Variants in LRMDA observed in about 807,000 individuals in gnomAD.
LRMDA encodes leucine-rich melanocyte differentiation-associated protein.
In LRMDA, 18 loss-of-function variants were observed where a neutral mutation model predicts 29.8. The ratio of observed to expected loss-of-function variants is 0.60; its 90% CI spans 0.42 to 0.90. The LOEUF (loss-of-function observed/expected upper bound fraction) is 0.90. Ranked by LOEUF, LRMDA falls within the 40% of genes least tolerant of loss-of-function variation. The probability of loss-of-function intolerance (pLI) is 0.00; values close to 1 mark genes in which losing one functional copy is unlikely to be tolerated. For missense variants in LRMDA, 273 were observed against 273.9 expected (o/e 1.00, Z 0.02); for synonymous variants, 125 against 109.4 (o/e 1.14, Z -0.89).
chr10:76,474,137 G>A (rs549260438), intron 6 of LRMDA, among the ~76,000 whole-genome samples: 19 of 151,730 alleles, frequency 1.3e-4, no homozygotes, highest in East Asian at 5.8e-4. Context: ...AACAAATGGC[G>A]CTCAGGTAAC....
At chr10:76,124,075 C>T (rs1325762357) in intron 5 of LRMDA, among the ~76,000 whole-genome samples, 1 of 152,200 alleles carries the variant, frequency 6.6e-6, no homozygotes, top group Non-Finnish European at 1.5e-5. Context: ...GCTTTCCTCT[C>T]TCCTCTGCCA....
intron 2 of LRMDA, among the ~76,000 whole-genome samples, chr10:75,820,124 C>T (rs879679441): frequency 6.6e-6 from 1 of 152,070 alleles, no homozygotes. Flanking sequence ...AACAACAAAC[C>T]CTGGACTTAA....
At chr10:76,239,821 G>T (rs1852237651) in intron 5 of LRMDA, among the ~76,000 whole-genome samples, 1 of 151,694 alleles carries the variant, frequency 6.6e-6, no homozygotes, top group African/African-American at 2.4e-5. Context: ...ATTACCTCCT[G>T]AGATGCATAA....
intron 2 of LRMDA, among the ~76,000 whole-genome samples, chr10:75,675,473 A>G (rs577194379): frequency 2.0e-5 from 3 of 152,248 alleles, no homozygotes; most frequent in Non-Finnish European, 4.4e-5. Context: ...TTAAACTATG[A>G]AAAGCAGTCC....
intron 5 of LRMDA, among the ~76,000 whole-genome samples, chr10:76,122,048 G>A (rs1849798967): frequency 6.6e-6 from 1 of 152,172 alleles, no homozygotes; most frequent in South Asian, 2.1e-4. Context: ...AGGAGGTCAT[G>A]CTGTGACATG....
chr10:75,704,364 A>G (rs995913679), intron 2 of LRMDA, among the ~76,000 whole-genome samples: 1 of 152,202 alleles, frequency 6.6e-6, no homozygotes, highest in Non-Finnish European at 1.5e-5. Context: ...TTATTGTATT[A>G]AATGATTGCA....
intron 2 of LRMDA, among the ~76,000 whole-genome samples, chr10:75,741,293 G>T (rs779923113): frequency 6.6e-6 from 1 of 152,146 alleles, no homozygotes; most frequent in African/African-American, 2.4e-5. Flanking sequence ...CTGTTTTCTT[G>T]CTGGCTGTTG....
chr10:75,858,789 G>T (rs1020740768), intron 2 of LRMDA, among the ~76,000 whole-genome samples: 2 of 152,124 alleles, frequency 1.3e-5, no homozygotes, highest in Admixed American at 6.5e-5. Flanking sequence ...AACTACACAG[G>T]TATTCTCCAT....
rs145003060 is a variant in LRMDA, at chr10:76,175,927, C to G, written c.516+117144C>G. 1.0e-3 allele frequency among the ~76,000 whole-genome samples: 158 copies of G among 152,270 alleles called. 3 individuals are homozygous for G. The East Asian group carries it at 0.028, about 27-fold the overall frequency. On this transcript the variant is annotated intron_variant, in intron 5 of 6. Coordinates refer to ENST00000611255, the MANE Select transcript of LRMDA (RefSeq NM_001305581.2). Reference sequence around the variant, plus strand: ...ACTTGAGTGACAGTATGACAGAGAACAGAAACAGGGCCACAGCTAGCCGCT... The same window carrying G: ...ACTTGAGTGACAGTATGACAGAGAAGAGAAACAGGGCCACAGCTAGCCGCT...
chr10:76,213,393 G>A (rs187819171), intron 5 of LRMDA, among the ~76,000 whole-genome samples: 27 of 152,272 alleles, frequency 1.8e-4, no homozygotes, highest in Non-Finnish European at 2.9e-4. Context: ...ATTTGAGAAG[G>A]GAAAGTAATT....
intron 2 of LRMDA, among the ~76,000 whole-genome samples, chr10:75,960,702 C>CT (rs1171362960): frequency 6.6e-6 from 1 of 152,228 alleles, no homozygotes; most frequent in Non-Finnish European, 1.5e-5. Flanking sequence ...CAACCTCTGT[C>CT]TCCAGGGTTC....
chr10:75,757,239 T>G (rs142811464), intron 2 of LRMDA, among the ~76,000 whole-genome samples: 191 of 152,252 alleles, frequency 1.3e-3, no homozygotes, highest in African/African-American at 4.0e-3. Flanking sequence ...CCCTTCCCCA[T>G]TCCCAGGGGC....
At chr10:75,583,405 C>G (rs563130212) in intron 2 of LRMDA, among the ~76,000 whole-genome samples, 164 of 152,208 alleles carry the variant, frequency 1.1e-3, no homozygotes, top group African/African-American at 3.9e-3. Context: ...AAAGGAGGAG[C>G]CAGAATTTCA....
At chr10:76,312,197 C>A (rs1840638134) in intron 5 of LRMDA, among the ~76,000 whole-genome samples, 1 of 152,224 alleles carries the variant, frequency 6.6e-6, no homozygotes, top group Admixed American at 6.5e-5. Flanking sequence ...CAAGATGTGT[C>A]CTCAGCTGAT....
At chr10:76,106,399 T>G (rs1452990024) in intron 5 of LRMDA, among the ~76,000 whole-genome samples, 1 of 152,230 alleles carries the variant, frequency 6.6e-6, no homozygotes, top group African/African-American at 2.4e-5. Context: ...CAATAGCGTA[T>G]GGAGAATGAA....
chr10:75,595,581 A>G (rs1475159475), intron 2 of LRMDA, among the ~76,000 whole-genome samples: 1 of 149,160 alleles, frequency 6.7e-6, no homozygotes, highest in African/African-American at 2.4e-5. Context: ...AATATATATA[A>G]TTATAATTTT....
intron 6 of LRMDA, among the ~76,000 whole-genome samples, chr10:76,544,080 G>A (rs1371480679): frequency 6.6e-6 from 1 of 152,172 alleles, no homozygotes; most frequent in Non-Finnish European, 1.5e-5. Context: ...TATCCATAGA[G>A]TCTTGGCCCT....
At chr10:76,232,809 C>T (rs955985233) in intron 5 of LRMDA, among the ~76,000 whole-genome samples, 3 of 152,130 alleles carry the variant, frequency 2.0e-5, no homozygotes, top group African/African-American at 7.2e-5. Flanking sequence ...GGGGTGGTCC[C>T]CCTACCCAAA....
At chr10:75,559,001 T>C (rs1223367220) in intron 2 of LRMDA, among the ~76,000 whole-genome samples, 26 of 150,892 alleles carry the variant, frequency 1.7e-4, no homozygotes, top group Admixed American at 1.5e-3. Flanking sequence ...TACGTGTGCA[T>C]GTGTCTTTAT....
Sources: allele counts gnomAD v4.1 joint callset (sites outside exome capture counted in the v4.1 genomes callset), GRCh38; gene constraint gnomAD v4.1.1; transcripts MANE v1.5; gene names NCBI Gene and HGNC (gene_info 2026-07-23, HGNC 2026-07-21).